ENTREP2: variants seen among roughly 807,000 people sequenced by gnomAD.
ENTREP2 encodes the protein endosomal transmembrane epsin interactor 2.
chr15:29,257,078 AT>A, the ENTREP2 span, among the ~76,000 whole-genome samples: 1 of 147,438 alleles, frequency 6.8e-6, no homozygotes, highest in African/African-American at 2.6e-5. Context: ...TTATTTATTT[AT>A]TTATTTATCT....
At chr15:29,252,135 G>A in the ENTREP2 span, among the ~76,000 whole-genome samples, 2 of 152,086 alleles carry the variant, frequency 1.3e-5, no homozygotes. Context: ...ACTAGTAGCT[G>A]ATTTACAAGA....
At chr15:29,291,634 C>CAATG in the ENTREP2 span, among the ~76,000 whole-genome samples, 1 of 152,214 alleles carries the variant, frequency 6.6e-6, no homozygotes, top group African/African-American at 2.4e-5. Context: ...GCCAACCACA[C>CAATG]AATGATACAC....
chr15:29,248,884 T>G, the ENTREP2 span, among the ~76,000 whole-genome samples: 4 of 152,328 alleles, frequency 2.6e-5, no homozygotes, highest in South Asian at 8.3e-4. Flanking sequence ...GTATATCTAA[T>G]TTTAGGAGCT....
the ENTREP2 span, among the ~76,000 whole-genome samples, chr15:29,584,433 G>A: frequency 1.0e-5 from 1 of 97,784 alleles, no homozygotes; most frequent in Non-Finnish European, 2.1e-5. Flanking sequence ...TTAAATGTAT[G>A]TGTGTGTGCA....
the ENTREP2 span, among the ~76,000 whole-genome samples, chr15:29,415,592 G>A: frequency 6.6e-6 from 1 of 152,124 alleles, no homozygotes; most frequent in African/African-American, 2.4e-5. Flanking sequence ...ACTGGCATAA[G>A]ACAGGGATGC....
At chr15:29,564,505 C>T in the ENTREP2 span, among the ~76,000 whole-genome samples, 1 of 152,132 alleles carries the variant, frequency 6.6e-6, no homozygotes, top group Admixed American at 6.6e-5. Context: ...ACTTACTGTA[C>T]GTTTCTAAGA....
the ENTREP2 span, among the ~76,000 whole-genome samples, chr15:29,466,242 G>C: frequency 0.42 from 64,206 of 151,952 alleles, 14,317 homozygotes; most frequent in African/African-American, 0.58. Context: ...AGAAAGCAGT[G>C]AGAGAGACTA....
chr15:29,295,705 C>T, the ENTREP2 span, among the ~76,000 whole-genome samples: 7 of 152,258 alleles, frequency 4.6e-5, no homozygotes, highest in South Asian at 6.2e-4. Context: ...GGAAGCACTG[C>T]GATGTATGTC....
At chr15:29,171,612 T>C in the ENTREP2 span, among the ~76,000 whole-genome samples, 1 of 152,188 alleles carries the variant, frequency 6.6e-6, no homozygotes, top group Non-Finnish European at 1.5e-5. Context: ...AATGAAAATA[T>C]TGTATTTATA....
chr15:29,355,505 TAAAA>T, the ENTREP2 span, among the ~76,000 whole-genome samples: 1 of 141,090 alleles, frequency 7.1e-6, no homozygotes, highest in Non-Finnish European at 1.6e-5. Flanking sequence ...GTGATACAAA[TAAAA>T]AAAAAAAACC....
the ENTREP2 span, among the ~76,000 whole-genome samples, chr15:29,145,648 AC>A: frequency 6.8e-6 from 1 of 147,922 alleles, no homozygotes; most frequent in East Asian, 2.0e-4. Context: ...AAAAAAAACA[AC>A]CAACAAACTA....
chr15:29,371,700 C>G, the ENTREP2 span, among the ~76,000 whole-genome samples: 1 of 151,648 alleles, frequency 6.6e-6, no homozygotes, highest in Non-Finnish European at 1.5e-5. Flanking sequence ...AACTGTCTGT[C>G]AAAATAAAAA....
At chr15:29,126,517 G>A in the ENTREP2 span, 2 of 1,544,046 alleles carry the variant, frequency 1.3e-6, no homozygotes, top group Non-Finnish European at 1.8e-6. Context: ...CATGGCATTA[G>A]AGTGGGCGGC....
chr15:29,577,921 G>A, the ENTREP2 span, among the ~76,000 whole-genome samples: 4 of 152,188 alleles, frequency 2.6e-5, no homozygotes, highest in Non-Finnish European at 5.9e-5. Context: ...GTTGCTAGGG[G>A]CAGAGGGGTG....
the ENTREP2 span, among the ~76,000 whole-genome samples, chr15:29,243,132 T>C: frequency 0.026 from 3,885 of 151,644 alleles, 168 homozygotes; most frequent in African/African-American, 0.09. Context: ...TCTCTCGCCA[T>C]GAACACACAC....
the ENTREP2 span, among the ~76,000 whole-genome samples, chr15:29,224,392 C>T: frequency 6.6e-5 from 10 of 152,108 alleles, no homozygotes; most frequent in African/African-American, 9.7e-5. Flanking sequence ...AAGGGAACTG[C>T]GCCGGGTTGC....
At chr15:29,608,978 G>A in the ENTREP2 span, among the ~76,000 whole-genome samples, 3 of 150,992 alleles carry the variant, frequency 2.0e-5, no homozygotes, top group Non-Finnish European at 3.0e-5. Flanking sequence ...GTGAATACTG[G>A]TATATCTGGG....
the ENTREP2 span, among the ~76,000 whole-genome samples, chr15:29,658,560 C>T: frequency 6.6e-6 from 1 of 152,112 alleles, no homozygotes; most frequent in African/African-American, 2.4e-5. Context: ...GGTTACACAA[C>T]TGTATAAGAT....
chr15:29,183,922 G>A, the ENTREP2 span, among the ~76,000 whole-genome samples: 1 of 152,066 alleles, frequency 6.6e-6, no homozygotes, highest in African/African-American at 2.4e-5. Flanking sequence ...AACATAGTAA[G>A]ATTGAATAAA....
Sources: allele counts gnomAD v4.1 joint callset (sites outside exome capture counted in the v4.1 genomes callset), GRCh38; gene constraint gnomAD v4.1.1; transcripts MANE v1.5; gene names NCBI Gene and HGNC (gene_info 2026-07-23, HGNC 2026-07-21).